Variants in OCA2 observed in about 807,000 individuals in gnomAD.
OCA2 encodes P protein.
In OCA2, 77 loss-of-function variants were observed where a neutral mutation model predicts 100.2. The ratio of observed to expected loss-of-function variants is 0.77; its 90% CI spans 0.64 to 0.93. The LOEUF is 0.93. Among genes scored for constraint, OCA2 ranks in the 40% least tolerant of loss-of-function variants. The probability of loss-of-function intolerance (pLI) is 0.00; values close to 1 mark genes in which losing one functional copy is unlikely to be tolerated. For missense variants in OCA2, 1,062 were observed against 1,089.1 expected (o/e 0.98, Z 0.35); for synonymous variants, 432 against 439.2 (o/e 0.98, Z 0.21).
chr15:28,013,181 A>G (rs1435359188), intron 9 of OCA2, among the ~76,000 whole-genome samples: 1 of 152,150 alleles, frequency 6.6e-6, no homozygotes, highest in Non-Finnish European at 1.5e-5. Flanking sequence ...CCAAAATGGA[A>G]CCTGAAGGCT....
chr15:27,928,691 T>A lies in OCA2; in HGVS notation c.1952-2437A>T, dbSNP rs551666165. On this transcript the variant is annotated intron_variant, in intron 18 of 23. Coordinates refer to ENST00000354638, the MANE Select transcript of OCA2 (RefSeq NM_000275.3). ...TGCTGAGCTTCCAGAGGCACCCACA[T>A]TCCCAGCCTCATGCCTCCATTCCTC... 3.3e-5 allele frequency among the ~76,000 whole-genome samples: 5 copies of A among 152,304 alleles called. No homozygotes were observed. The South Asian group carries it at 1.0e-3, about 32-fold the overall frequency.
chr15:27,865,748 G>A (rs980111176), intron 21 of OCA2, among the ~76,000 whole-genome samples: 12 of 152,128 alleles, frequency 7.9e-5, no homozygotes, highest in Non-Finnish European at 1.6e-4. Context: ...GGGCACAAAC[G>A]TTACAGAATG....
intron 6 of OCA2, among the ~76,000 whole-genome samples, chr15:28,021,464 C>T (rs2042591257): frequency 6.6e-6 from 1 of 152,252 alleles, no homozygotes; most frequent in Non-Finnish European, 1.5e-5. Context: ...GGGACAGGTG[C>T]CAGCCCCACA....
At chr15:27,777,507 A>C (rs2032304201) in intron 23 of OCA2, among the ~76,000 whole-genome samples, 1 of 152,220 alleles carries the variant, frequency 6.6e-6, no homozygotes, top group Non-Finnish European at 1.5e-5. Flanking sequence ...ACAAACCAAA[A>C]AATCACCTAC....
intron 23 of OCA2, among the ~76,000 whole-genome samples, chr15:27,805,579 G>A (rs1171357257): frequency 6.6e-6 from 1 of 152,202 alleles, no homozygotes; most frequent in Non-Finnish European, 1.5e-5. Context: ...GGTGTTGGCG[G>A]GAGGGGAGGA....
At chr15:27,992,146 G>C (rs1453011155) in intron 9 of OCA2, among the ~76,000 whole-genome samples, 1 of 151,696 alleles carries the variant, frequency 6.6e-6, no homozygotes, top group Non-Finnish European at 1.5e-5. Flanking sequence ...CGTTGCCGAG[G>C]CTGGAGTGCA....
the OCA2 span, among the ~76,000 whole-genome samples, chr15:27,735,226 A>T: frequency 6.6e-6 from 1 of 152,206 alleles, no homozygotes; most frequent in African/African-American, 2.4e-5. Flanking sequence ...GACACAAAAA[A>T]TGCAATAGAG....
chr15:27,805,624 G>C (rs1282639163), intron 23 of OCA2, among the ~76,000 whole-genome samples: 1 of 152,154 alleles, frequency 6.6e-6, no homozygotes, highest in African/African-American at 2.4e-5. Flanking sequence ...GCCTGCGAGC[G>C]GTGGGGCTGG....
chr15:28,019,208 G>A (rs188821782), intron 6 of OCA2, among the ~76,000 whole-genome samples: 1 of 152,094 alleles, frequency 6.6e-6, no homozygotes, highest in East Asian at 1.9e-4. Context: ...AGGAGAGAAT[G>A]AAAGGGATGG....
chr15:27,966,690 C>A lies in OCA2; in HGVS notation c.1636G>T (p.Glu546Ter), dbSNP rs2140823621. The A allele has an allele frequency of 6.2e-7, 1 of 1,613,948 alleles. No individual in the cohort carries two copies. The highest frequency in any genetic ancestry group is 1.1e-5 in the South Asian group (1 of 91,066). ...TACATGAGGTTGCACTTGTACTCACCAACAATCTCACTGGGTTCCTTGTTA... is the reference window on the plus strand; with the variant it reads ...TACATGAGGTTGCACTTGTACTCACAAACAATCTCACTGGGTTCCTTGTTA... ...LYNKEPSEIV[E>*]LKHEIHVWRL... The change falls in exon 15 of 24, where the codon GAA (glutamate) becomes TAA (stop). Residue 546 changes from glutamate to a stop codon, truncating the protein, a stop_gained and splice_region_variant. Transcript: ENST00000354638. LOFTEE classifies it high-confidence loss of function.
In OCA2 at chr15:27,853,403, T is replaced by C. The variant is rs1159906939; in HGVS notation, c.2245-1928A>G. Among the ~76,000 whole-genome samples, 4 of 117,212 alleles carry C rather than the reference T, an allele frequency of 3.4e-5. No homozygotes were observed. The Admixed American group carries it at 4.3e-4, about 13-fold the overall frequency. The allele number at this position is 117,212 out of a possible 152,430, so 76.9% of individuals were successfully genotyped here. A position where few individuals can be genotyped will look rare whatever the true frequency, so the allele number is the denominator to read the frequency against. On this transcript the variant is annotated intron_variant, in intron 21 of 23. Coordinates refer to ENST00000354638, the MANE Select transcript of OCA2 (RefSeq NM_000275.3). ...TCACATGGACACAGGAAGGGGAATA[T>C]CACACTCTGGGGACTGTTGTGGGGT...
intron 2 of OCA2, among the ~76,000 whole-genome samples, chr15:28,072,089 C>T (rs1031049126): frequency 3.9e-5 from 6 of 152,192 alleles, no homozygotes; most frequent in African/African-American, 1.2e-4. Context: ...TAACCCCGGC[C>T]GGGCACAGTG....
At position 27,957,857 on chromosome 15, in the gene OCA2, G is replaced by T; in HGVS notation, c.1637-122C>A. The stretch of plus-strand genomic sequence containing the variant: ...GACACACACTCGAGACGTGCAGGTA[G>T]CCCAGGGTCACCCAGAGCTTCTCAG... On this transcript the variant is annotated intron_variant, in intron 15 of 23. Transcript: ENST00000354638. The surrounding 1 kb of genome is among the most constrained non-coding windows in gnomAD (Gnocchi z 4.3). The T allele has an allele frequency of 8.6e-7, 1 of 1,166,408 alleles. No individual in the cohort carries two copies. 72.3% of individuals were successfully genotyped at this position (1,166,408 alleles called of 1,614,324 possible).
rs2040281957 is a variant in OCA2, at chr15:27,957,857, G to A, written c.1637-122C>T. 1 of 1,166,408 alleles carries A rather than the reference G, an allele frequency of 8.6e-7. No homozygotes were observed. Among genetic ancestry groups the A allele is most frequent in the Non-Finnish European group, 1.3e-6 (1 of 799,990 alleles). 72.3% of individuals were successfully genotyped at this position (1,166,408 alleles called of 1,614,324 possible). On this transcript the variant is annotated intron_variant, in intron 15 of 23. Coordinates refer to ENST00000354638, the MANE Select transcript of OCA2 (RefSeq NM_000275.3). The surrounding 1 kb of genome is among the most constrained non-coding windows in gnomAD (Gnocchi z 4.3). Reference sequence around the variant, plus strand: ...GACACACACTCGAGACGTGCAGGTAGCCCAGGGTCACCCAGAGCTTCTCAG... The same window carrying A: ...GACACACACTCGAGACGTGCAGGTAACCCAGGGTCACCCAGAGCTTCTCAG...
chr15:27,866,312 C>T (rs2036320848), intron 21 of OCA2, among the ~76,000 whole-genome samples: 1 of 152,110 alleles, frequency 6.6e-6, no homozygotes, highest in Admixed American at 6.5e-5. Flanking sequence ...GAAGAGGTGG[C>T]ACCACATCAC....
chr15:27,789,921 C>T (rs1211903282), intron 23 of OCA2, among the ~76,000 whole-genome samples: 2 of 152,094 alleles, frequency 1.3e-5, no homozygotes, highest in African/African-American at 4.8e-5. Flanking sequence ...AAGGCATGAT[C>T]CCCAAAGGGA....
chr15:27,943,709 C>T (rs2039733317), intron 18 of OCA2, among the ~76,000 whole-genome samples: 1 of 151,144 alleles, frequency 6.6e-6, no homozygotes, highest in African/African-American at 2.4e-5. Context: ...CTCTGCAACC[C>T]CATATCTTAA....
the OCA2 span, among the ~76,000 whole-genome samples, chr15:27,723,862 T>C: frequency 4.8e-3 from 727 of 152,314 alleles, 12 homozygotes; most frequent in African/African-American, 0.017. Flanking sequence ...GGAAATTGCA[T>C]GTTTATAACC....
chr15:27,959,504 GC>G (rs1207521617), intron 15 of OCA2, among the ~76,000 whole-genome samples: 4 of 152,320 alleles, frequency 2.6e-5, no homozygotes, highest in African/African-American at 9.6e-5. Flanking sequence ...CTTGCTAAAA[GC>G]CCGTCCATAA....
Sources: gnomAD v4.1 joint callset for allele counts (sites outside exome capture counted in the v4.1 genomes callset) on GRCh38, gnomAD v4.1.1 for gene constraint, Gnocchi (gnomAD v3.1) non-coding constraint, MANE v1.5 for transcripts, NCBI Gene and HGNC (gene_info 2026-07-23, HGNC 2026-07-21) for gene names.